Variants in WDR64 observed in about 807,000 individuals in gnomAD.
The protein encoded by WDR64 is WD repeat-containing protein 64.
A neutral mutation model predicts 139.3 loss-of-function variants in WDR64; 112 were observed. The ratio of observed to expected loss-of-function variants is 0.80; its 90% CI spans 0.69 to 0.94. WDR64 has a LOEUF of 0.94. Among genes scored for constraint, WDR64 ranks in the 40% least tolerant of loss-of-function variants. WDR64 has a pLI of 0.00. For synonymous variants in WDR64, 444 were observed against 437.7 expected (o/e 1.01, Z -0.18); for missense variants, 1,206 against 1,293.1 (o/e 0.93, Z 1.03).
rs764737176 is a variant in WDR64, at chr1:241,674,655, C to T, written c.391C>T (p.Arg131Ter). ...TATGCTGTTGACAGGTAGTAGAAGACGAGATGTGATTAAGAGCATTGTCAA... is the reference window on the plus strand; with the variant it reads ...TATGCTGTTGACAGGTAGTAGAAGATGAGATGTGATTAAGAGCATTGTCAA... ...RRILISGSRR[R>*]DVIKSIVKIP... The change falls in exon 4 of 28, where the codon CGA (arginine) becomes TGA (stop). Residue 131 changes from arginine (R) to a stop codon, truncating the protein, a stop_gained. Coordinates refer to ENST00000437684, the MANE Select transcript of WDR64 (RefSeq NM_001367482.1). LOFTEE classifies it high-confidence loss of function. The T allele has an allele frequency of 4.5e-5, 69 of 1,546,174 alleles. No individual in the cohort carries two copies. The South Asian group carries it at 6.6e-4, about 15-fold the overall frequency.
At position 241,665,576 on chromosome 1, in the gene WDR64, A is replaced by G. The variant is rs80059387; in HGVS notation, c.276+4916A>G. 7.3e-3 allele frequency among the ~76,000 whole-genome samples: 1,113 copies of G among 152,336 alleles called. 15 individuals are homozygous for G. The highest frequency in any genetic ancestry group is 0.017 in the Middle Eastern group (5 of 294). ...GATTTTTTGATGCAAAGACACTCGG[A>G]GAATTTGAAATTCATAGAATAATGA... On this transcript the variant is annotated intron_variant, in intron 2 of 27. Transcript: ENST00000437684.
chr1:241,738,342 C>T (rs1193085246), intron 10 of WDR64, 21 bp from the exon 11 acceptor site: 1 of 1,608,914 alleles, frequency 6.2e-7, no homozygotes, highest in Non-Finnish European at 8.5e-7. Context: ...TAGTGGTAAA[C>T]TGTGTTTGTT....
At chr1:241,717,227 A>T (rs2148187502) in intron 9 of WDR64, among the ~76,000 whole-genome samples, 1 of 152,298 alleles carries the variant, frequency 6.6e-6, no homozygotes, top group Admixed American at 6.5e-5. Flanking sequence ...AAAATTCCAG[A>T]TTGCCCTCTG....
chr1:241,663,574 A>G (rs1665918086), intron 2 of WDR64, among the ~76,000 whole-genome samples: 3 of 152,274 alleles, frequency 2.0e-5, no homozygotes, highest in Admixed American at 6.5e-5. Context: ...AATCTAGGGC[A>G]TAGTTTAAAA....
At chr1:241,705,607 G>T (rs974040211) in intron 8 of WDR64, among the ~76,000 whole-genome samples, 1 of 144,764 alleles carries the variant, frequency 6.9e-6, no homozygotes, top group East Asian at 2.1e-4. Context: ...AAAGATACAA[G>T]GTCTTAATGT....
chr1:241,678,860 G>GAAAAA lies in WDR64; in HGVS notation c.514-602_514-598dup, dbSNP rs58075238. Among the ~76,000 whole-genome samples the GAAAAA allele has an allele frequency of 4.5e-4, 15 of 33,620 alleles. 1 individual carries two copies. Among genetic ancestry groups the GAAAAA allele is most frequent in the African/African-American group, 1.5e-3 (12 of 8,128 alleles). The allele number at this position is 33,620 out of a possible 152,430, so 22.1% of individuals were successfully genotyped here. On this transcript the variant is annotated intron_variant, in intron 5 of 27. Transcript: ENST00000437684. ...CTTCTGAACCTCCATTTCTTAAACT[G>GAAAAA]AAAAAAAAAAAAAAAAAAAAAAAAA...
intron 9 of WDR64, among the ~76,000 whole-genome samples, chr1:241,712,716 C>T (rs898781684): frequency 6.6e-6 from 1 of 152,172 alleles, no homozygotes; most frequent in East Asian, 1.9e-4. Context: ...CCATGGTTTA[C>T]ACCTGTAATC....
chr1:241,790,788 C>T (rs576479586), intron 25 of WDR64, 92 bp downstream of exon 25: 2 of 925,094 alleles, frequency 2.2e-6, no homozygotes, highest in East Asian at 2.5e-5. Context: ...AGTAATATAA[C>T]ATATTAATTT....
intron 3 of WDR64, 69 bp downstream of exon 3, chr1:241,671,245 T>C: frequency 9.7e-7 from 1 of 1,034,094 alleles, no homozygotes; most frequent in Non-Finnish European, 1.4e-6. Flanking sequence ...ACTGGAACTA[T>C]ATTTTCCATA....
In WDR64 at chr1:241,757,460, G is replaced by A; in HGVS notation, c.1947+1G>A. 1.9e-6 allele frequency: 3 copies of A among 1,601,672 alleles called. No homozygotes were observed. The highest frequency in any genetic ancestry group is 1.1e-5 in the South Asian group (1 of 88,498). On this transcript the variant is annotated splice_donor_variant, in intron 15 of 27. Transcript: ENST00000437684. LOFTEE classifies it high-confidence loss of function. The stretch of plus-strand genomic sequence containing the variant: ...GAGGAACTTTTCTCAACCTACTGAT[G>A]TAAGTTTCCTCTCTTGGTTTCTTTT...
intron 8 of WDR64, among the ~76,000 whole-genome samples, chr1:241,708,731 G>A (rs1475448527): frequency 8.7e-6 from 1 of 115,400 alleles, no homozygotes; most frequent in East Asian, 2.4e-4. Flanking sequence ...TTTAAGGATT[G>A]GGTTTCACCA....
intron 14 of WDR64, among the ~76,000 whole-genome samples, chr1:241,750,858 G>A (rs1669952040): frequency 6.6e-6 from 1 of 152,108 alleles, no homozygotes; most frequent in Admixed American, 6.6e-5. Flanking sequence ...AAAATAAATA[G>A]AGAAAGAACC....
chr1:241,705,124 C>T (rs1237970601), intron 8 of WDR64, among the ~76,000 whole-genome samples: 1 of 152,176 alleles, frequency 6.6e-6, no homozygotes, highest in Non-Finnish European at 1.5e-5. Flanking sequence ...CATCTAGCTC[C>T]CCAGTAGCTA....
chr1:241,748,267 T>C (rs1211461564), intron 13 of WDR64, among the ~76,000 whole-genome samples: 2 of 152,180 alleles, frequency 1.3e-5, no homozygotes, highest in Admixed American at 6.5e-5. Flanking sequence ...CTCAGACCAT[T>C]TGACATGCCT....
At chr1:241,729,763 A>T (rs977775484) in intron 10 of WDR64, among the ~76,000 whole-genome samples, 1 of 152,182 alleles carries the variant, frequency 6.6e-6, no homozygotes, top group Non-Finnish European at 1.5e-5. Flanking sequence ...GTTACCTTCA[A>T]GTTTTAAAAA....
At chr1:241,665,654 G>GA (rs1432160145) in intron 2 of WDR64, among the ~76,000 whole-genome samples, 3 of 152,094 alleles carry the variant, frequency 2.0e-5, no homozygotes, top group South Asian at 4.2e-4. Context: ...AATTTATAAT[G>GA]AAAAAAATTT....
chr1:241,769,265 C>G (rs56396922), intron 16 of WDR64, 139 bp from the exon 17 acceptor site: 400,025 of 675,618 alleles, frequency 0.59, 123,098 homozygotes, highest in Non-Finnish European at 0.64. Flanking sequence ...TCAAACTCTA[C>G]TTCCTTGCAT....
intron 16 of WDR64, among the ~76,000 whole-genome samples, chr1:241,769,048 C>T (rs1658306494): frequency 6.6e-6 from 1 of 152,158 alleles, no homozygotes; most frequent in Non-Finnish European, 1.5e-5. Context: ...AGGAGGATCG[C>T]TTGAGCCCAG....
intron 10 of WDR64, 69 bp downstream of exon 10, chr1:241,723,505 A>G (rs1668688416): frequency 6.6e-7 from 1 of 1,504,200 alleles, no homozygotes; most frequent in Non-Finnish European, 8.9e-7. Context: ...AGGCATAGGG[A>G]TGATACAATT....
Sources: allele counts gnomAD v4.1 joint callset (sites outside exome capture counted in the v4.1 genomes callset), GRCh38; gene constraint gnomAD v4.1.1; transcripts MANE v1.5; gene names NCBI Gene and HGNC (gene_info 2026-07-23, HGNC 2026-07-21).